The following CACNA2D3 variants were observed in gnomAD, a reference collection of about 807,000 sequenced individuals.
CACNA2D3 encodes the protein calcium voltage-gated channel auxiliary subunit alpha2delta 3, also known as voltage-dependent calcium channel subunit alpha-2/delta-3.
Under a neutral mutation model 160.6 loss-of-function variants are expected in CACNA2D3, and 60 were observed. That is an observed-to-expected ratio of 0.37 (90% CI 0.30 to 0.46). The LOEUF is 0.46. Ranked by LOEUF, CACNA2D3 falls within the 20% of genes least tolerant of loss-of-function variation. The probability of loss-of-function intolerance (pLI) is 1.00; values close to 1 mark genes in which losing one functional copy is unlikely to be tolerated. For synonymous variants in CACNA2D3, 558 were observed against 492.9 expected (o/e 1.13, Z -1.75); for missense variants, 1,205 against 1,365.0 (o/e 0.88, Z 1.85).
At chr3:54,656,104 A>T (rs1030300646) in intron 11 of CACNA2D3, among the ~76,000 whole-genome samples, 6 of 152,182 alleles carry the variant, frequency 3.9e-5, no homozygotes, top group Non-Finnish European at 1.5e-5. Flanking sequence ...ATTATGGTCC[A>T]TGGGACCCTG....
intron 12 of CACNA2D3, among the ~76,000 whole-genome samples, chr3:54,759,112 A>T (rs72874213): frequency 6.5e-4 from 99 of 152,344 alleles, no homozygotes; most frequent in African/African-American, 2.3e-3. Context: ...CCCAGAGTTC[A>T]CAGAAGGAGC....
At chr3:54,533,909 C>G (rs1393664622) in intron 5 of CACNA2D3, among the ~76,000 whole-genome samples, 1 of 151,902 alleles carries the variant, frequency 6.6e-6, no homozygotes, top group Non-Finnish European at 1.5e-5. Context: ...TACAGGTGTT[C>G]TTTGTGCTAT....
chr3:54,936,938 T>G (rs1463894428), intron 27 of CACNA2D3, among the ~76,000 whole-genome samples: 1 of 152,054 alleles, frequency 6.6e-6, no homozygotes, highest in Admixed American at 6.5e-5. Context: ...CGGCTGATGT[T>G]TATAAGTTCC....
intron 2 of CACNA2D3, among the ~76,000 whole-genome samples, chr3:54,223,567 T>A (rs4927993): frequency 6.6e-6 from 1 of 152,008 alleles, no homozygotes; most frequent in Non-Finnish European, 1.5e-5. Flanking sequence ...TACAAAATTA[T>A]TTTTTGGCCG....
chr3:54,761,766 G>A (rs1702084585), intron 12 of CACNA2D3, among the ~76,000 whole-genome samples: 1 of 152,172 alleles, frequency 6.6e-6, no homozygotes, highest in South Asian at 2.1e-4. Flanking sequence ...GAGTGACAAT[G>A]CATGCTAATT....
Position 54,861,016 on chromosome 3 carries a change from A to G in CACNA2D3, c.1627-10523A>G, listed in dbSNP as rs565763852. 2.6e-5 allele frequency among the ~76,000 whole-genome samples: 4 copies of G among 152,318 alleles called. No individual in the cohort carries two copies. In the South Asian group the frequency reaches 6.2e-4, roughly 24 times the overall value. On this transcript the variant is annotated intron_variant, in intron 17 of 37. Coordinates refer to ENST00000474759, the MANE Select transcript of CACNA2D3 (RefSeq NM_018398.3). ...TTCCCTCGGTCCACTCATTCGTCAC[A>G]TATTCATGGGAACCTGTTCTTTGCC...
intron 3 of CACNA2D3, among the ~76,000 whole-genome samples, chr3:54,322,067 A>C (rs1003848437): frequency 2.6e-5 from 4 of 152,250 alleles, no homozygotes; most frequent in Non-Finnish European, 5.9e-5. Context: ...TACAATTGAC[A>C]AAGTAGCCCT....
intron 4 of CACNA2D3, among the ~76,000 whole-genome samples, chr3:54,439,848 T>C (rs6414575): frequency 0.99 from 150,087 of 152,298 alleles, 73,980 homozygotes; most frequent in East Asian, 1. Flanking sequence ...TCTGCCCTCT[T>C]TCCCCCTCCC....
chr3:54,800,576 G>A (rs13093404), intron 13 of CACNA2D3, among the ~76,000 whole-genome samples: 11,014 of 152,212 alleles, frequency 0.072, 497 homozygotes, highest in South Asian at 0.15. Context: ...TGAGCAAAAT[G>A]TGGGGGGCCT....
At chr3:54,778,756 G>A (rs1000094002) in intron 13 of CACNA2D3, among the ~76,000 whole-genome samples, 6 of 152,188 alleles carry the variant, frequency 3.9e-5, no homozygotes, top group African/African-American at 1.2e-4. Flanking sequence ...CCAAAGGTTG[G>A]AGGGCATGTG....
intron 9 of CACNA2D3, among the ~76,000 whole-genome samples, chr3:54,593,200 AC>A (rs1259876782): frequency 6.6e-6 from 1 of 152,190 alleles, no homozygotes; most frequent in Non-Finnish European, 1.5e-5. Flanking sequence ...AGAACAACCT[AC>A]ATGTAAATAA....
chr3:54,358,406 G>T (rs1178017075), intron 3 of CACNA2D3, among the ~76,000 whole-genome samples: 1 of 152,194 alleles, frequency 6.6e-6, no homozygotes, highest in Non-Finnish European at 1.5e-5. Context: ...CTGCAAGGAG[G>T]TCCGGTTGTG....
intron 4 of CACNA2D3, among the ~76,000 whole-genome samples, chr3:54,408,755 A>G (rs934743550): frequency 1.3e-5 from 2 of 152,306 alleles, no homozygotes; most frequent in South Asian, 4.1e-4. Context: ...AACTCTAATG[A>G]CACTTTATTT....
At chr3:54,565,338 G>T (rs1201737690) in intron 6 of CACNA2D3, among the ~76,000 whole-genome samples, 2 of 152,168 alleles carry the variant, frequency 1.3e-5, no homozygotes, top group African/African-American at 2.4e-5. Context: ...CACTGAGAAG[G>T]ATCACCAACT....
chr3:54,283,298 T>C (rs1177890633), intron 2 of CACNA2D3, among the ~76,000 whole-genome samples: 1 of 152,186 alleles, frequency 6.6e-6, no homozygotes, highest in East Asian at 1.9e-4. Flanking sequence ...ATCCCTGCCC[T>C]CTGTAGGGTC....
intron 11 of CACNA2D3, among the ~76,000 whole-genome samples, chr3:54,676,877 C>T (rs1038689357): frequency 6.6e-6 from 1 of 152,136 alleles, no homozygotes; most frequent in African/African-American, 2.4e-5. Flanking sequence ...CTTTGACCCC[C>T]CAAAACAACT....
intron 26 of CACNA2D3, among the ~76,000 whole-genome samples, chr3:54,897,309 C>A (rs1430432060): frequency 6.6e-6 from 1 of 152,160 alleles, no homozygotes; most frequent in Non-Finnish European, 1.5e-5. Context: ...CTTTGTATAA[C>A]CATGTGCTCT....
At chr3:54,295,770 G>A (rs1038999983) in intron 2 of CACNA2D3, among the ~76,000 whole-genome samples, 1 of 152,178 alleles carries the variant, frequency 6.6e-6, no homozygotes, top group African/African-American at 2.4e-5. Context: ...TGTCCACAAA[G>A]AATTTCCTTG....
intron 9 of CACNA2D3, among the ~76,000 whole-genome samples, chr3:54,600,544 G>C: frequency 6.6e-6 from 1 of 152,174 alleles, no homozygotes; most frequent in Non-Finnish European, 1.5e-5. Flanking sequence ...TTGGAGCTGA[G>C]TTCTCATTAG....
Sources: gnomAD v4.1 joint callset for allele counts (sites outside exome capture counted in the v4.1 genomes callset) on GRCh38, gnomAD v4.1.1 for gene constraint, MANE v1.5 for transcripts, NCBI Gene and HGNC (gene_info 2026-07-23, HGNC 2026-07-21) for gene names.